Variants in PARP6 observed in about 807,000 individuals in gnomAD.
PARP6 encodes the protein poly(ADP-ribose) polymerase family member 6.
Under a neutral mutation model 92.0 loss-of-function variants are expected in PARP6, and 27 were observed. That is an observed-to-expected ratio of 0.29 (90% CI 0.22 to 0.40). PARP6 has a LOEUF of 0.40. PARP6 is among the 10% of genes least tolerant of loss of function. The pLI is 1.00. For missense variants in PARP6, 501 were observed against 784.5 expected, an observed-to-expected ratio of 0.64 and a Z score of 4.32; for synonymous variants, 272 against 281.2, an observed-to-expected ratio of 0.97 and a Z score of 0.33.
rs2083166364 is a variant in PARP6 at position 72,242,480 on chromosome 15, C to T, written c.1641+140G>A. ...CTACATATGACTCCAGACGTGTGTT[C>T]ACTTTAGAACATACCTGACTCCTTT... is the stretch of plus-strand genomic sequence containing the variant. On this transcript the variant is annotated intron_variant, in intron 21 of 23. Coordinates refer to ENST00000569795, the MANE Select transcript of PARP6 (RefSeq NM_001323532.2). The surrounding 1 kb of genome is among the most constrained non-coding windows in gnomAD (Gnocchi z 4.3). The T allele has an allele frequency of 1.5e-6, 1 of 687,996 alleles. No homozygotes were observed. The highest frequency in any genetic ancestry group is 2.6e-6 in the Non-Finnish European group (1 of 384,866). 42.6% of individuals were successfully genotyped at this position (687,996 alleles called of 1,614,324 possible).
chr15:72,265,285 G>A, intron 6 of PARP6, 114 bp from the exon 7 acceptor site: 1 of 1,059,964 alleles, frequency 9.4e-7, no homozygotes, highest in Non-Finnish European at 1.5e-6. Flanking sequence ...TCTGCTGATG[G>A]TCTAGGAAAG....
At chr15:72,252,031 A>C (rs532831949) in intron 16 of PARP6, among the ~76,000 whole-genome samples, 2 of 152,350 alleles carry the variant, frequency 1.3e-5, no homozygotes, top group African/African-American at 4.8e-5. Context: ...GAAGTACTGA[A>C]GGCTGACTAG....
rs999391691 is a variant in PARP6 at position 72,258,061 on chromosome 15, G to C, written c.882C>G (p.Val294=). The C allele has an allele frequency of 1.9e-6, 3 of 1,613,372 alleles. No individual in the cohort carries two copies. Among genetic ancestry groups the C allele is most frequent in the Admixed American group, 3.3e-5 (2 of 60,018 alleles). ...EYCVVCDEQH[V]FQNGSMLKPA... ...CCTTCAGCATAGATCCATTTTGGAA[G>C]ACATGCTGCTCATCACACACCACAC... The change falls in exon 12 of 24, where the codon GTC becomes GTG. Residue 294 remains valine, a synonymous_variant. Transcript: ENST00000569795.
intron 20 of PARP6, chr15:72,244,248 A>C (rs891090332): frequency 2.0e-5 from 3 of 152,242 alleles, no homozygotes; most frequent in South Asian, 2.1e-4. Flanking sequence ...AATAAAGAAC[A>C]ATCTGATTTC....
rs2083220298 is a variant in PARP6, at chr15:72,242,938, T to C, written c.1562-239A>G. On this transcript the variant is annotated intron_variant, in intron 20 of 23. Transcript: ENST00000569795. This position sits in a 1 kb window ranked among gnomAD's most constrained non-coding sequence, Gnocchi z 4.3. ...TGGTGTGAGCCTAGAGGAGGGCAAC[T>C]AGCCTAGCCTAAGAGTTTAAAGAAG... The C allele has an allele frequency of 1.7e-5, 8 of 479,182 alleles. No individual in the cohort carries two copies. In the South Asian group the frequency reaches 2.1e-4, roughly 13 times the overall value. The allele number at this position is 479,182 out of a possible 1,614,324, so 29.7% of individuals were successfully genotyped here. A position where few individuals can be genotyped will look rare whatever the true frequency, so the allele number is the denominator to read the frequency against.
At position 72,242,597 on chromosome 15, in the gene PARP6, C is replaced by T. The variant is rs766709077; in HGVS notation, c.1641+23G>A. On this transcript the variant is annotated intron_variant, in intron 21 of 23. Transcript: ENST00000569795. The surrounding 1 kb of genome is among the most constrained non-coding windows in gnomAD (Gnocchi z 4.3). ...AAATTAGCCCCAGGGAAAGGTCCTG[C>T]CTCATTAGAATAGTTCCAATACCTG... 27 of 1,512,200 alleles carry T rather than the reference C, an allele frequency of 1.8e-5. 1 individual carries two copies. The South Asian group carries it at 2.5e-4, about 14-fold the overall frequency. 93.7% of individuals were successfully genotyped at this position (1,512,200 alleles called of 1,614,324 possible).
At chr15:72,244,011 T>C (rs915557022) in intron 20 of PARP6, 1 of 152,214 alleles carries the variant, frequency 6.6e-6, no homozygotes, top group Non-Finnish European at 1.5e-5. Flanking sequence ...CAGATTTAGG[T>C]AGGGCCTGAA....
chr15:72,264,491 A>G, intron 8 of PARP6, 64 bp downstream of exon 8: 3 of 1,225,022 alleles, frequency 2.4e-6, no homozygotes, highest in Non-Finnish European at 3.6e-6. Flanking sequence ...CTGTCCATCC[A>G]TATATTTCCA....
intron 16 of PARP6, among the ~76,000 whole-genome samples, chr15:72,252,040 AG>A (rs1427847272): frequency 9.2e-5 from 14 of 152,246 alleles, no homozygotes; most frequent in African/African-American, 3.4e-4. Flanking sequence ...AAGGCTGACT[AG>A]GAAGAGGGAG....
chr15:72,253,783 CA>C (rs1567191093), intron 15 of PARP6: 11 of 586,316 alleles, frequency 1.9e-5, no homozygotes, highest in Admixed American at 1.1e-4. Flanking sequence ...GATTATAAAT[CA>C]AAAAATAAAT....
In PARP6 at chr15:72,241,474, G is replaced by A; in HGVS notation, c.1874C>T (p.Thr625Ile). 1 of 1,614,078 alleles carries A rather than the reference G, an allele frequency of 6.2e-7. No individual in the cohort carries two copies. ...IQKEIMRVIG[T>I]QVYTN ...GCCCCCTCAGTTTGTGTAAACCTGAGTTCCGATCACACGCATGATTTCCTT... is the reference window on the plus strand; with the variant it reads ...GCCCCCTCAGTTTGTGTAAACCTGAATTCCGATCACACGCATGATTTCCTT... Residue 625 changes from threonine to isoleucine, a missense_variant, in exon 24 of 24, where the codon ACT becomes ATT. Thr to Ile is a moderately conservative substitution (Grantham distance 89). Around this residue, in one of 4 missense-constraint regions of PARP6, gnomAD observed 17 missense variants for 16.5 expected, o/e 1.03. Coordinates refer to ENST00000569795, the MANE Select transcript of PARP6 (RefSeq NM_001323532.2). The surrounding 1 kb of genome is among the most constrained non-coding windows in gnomAD (Gnocchi z 4.1).
chr15:72,264,711 A>T, intron 7 of PARP6, 90 bp from the exon 8 acceptor site: 1 of 991,236 alleles, frequency 1.0e-6, no homozygotes, highest in Non-Finnish European at 1.6e-6. Context: ...ATACATTCTA[A>T]AGATCATAGC....
chr15:72,248,353 T>G (rs915366409), intron 20 of PARP6, among the ~76,000 whole-genome samples: 4 of 152,052 alleles, frequency 2.6e-5, no homozygotes, highest in Admixed American at 6.6e-5. Flanking sequence ...TTTTTCTTTT[T>G]TTTTTTGAGA....
chr15:72,255,283 C>A (rs939916226), intron 14 of PARP6, among the ~76,000 whole-genome samples: 2 of 152,128 alleles, frequency 1.3e-5, no homozygotes, highest in Non-Finnish European at 2.9e-5. Flanking sequence ...GGCAGAGTCT[C>A]GCTCTGTCAC....
chr15:72,266,894 T>G, intron 3 of PARP6, 72 bp from the exon 4 acceptor site: 1 of 1,128,704 alleles, frequency 8.9e-7, no homozygotes, highest in Non-Finnish European at 1.3e-6. Flanking sequence ...TGGGATGATA[T>G]GGTGAGGAAC....
chr15:72,267,652 G>A lies in PARP6; in HGVS notation c.-175C>T, dbSNP rs1209260027. On this transcript the variant is annotated 5_prime_UTR_variant, in exon 3 of 24. Coordinates refer to ENST00000569795, the MANE Select transcript of PARP6 (RefSeq NM_001323532.2). ...TGGGGATGGCAGGCTCTGCTGTTGC[G>A]GTGGTAACAAGTCACTGTCCTGTGG... The A allele has an allele frequency of 6.1e-6, 4 of 655,596 alleles. No homozygotes were observed. Among genetic ancestry groups the A allele is most frequent in the South Asian group, 1.8e-5 (1 of 54,554 alleles). The allele number at this position is 655,596 out of a possible 1,614,324, so 40.6% of individuals were successfully genotyped here.
chr15:72,255,517 C>T (rs911882640), intron 14 of PARP6, among the ~76,000 whole-genome samples: 12 of 152,024 alleles, frequency 7.9e-5, no homozygotes, highest in African/African-American at 2.4e-4. Context: ...CTTGGCCTCC[C>T]GAAGTGCTAG....
intron 5 of PARP6, among the ~76,000 whole-genome samples, 176 bp from the exon 6 acceptor site, chr15:72,265,649 C>G (rs1019497900): frequency 1.2e-4 from 19 of 152,214 alleles, no homozygotes; most frequent in African/African-American, 4.6e-4. Flanking sequence ...GGATCTACTT[C>G]CAGGCCAAAA....
At chr15:72,256,614 G>T in intron 13 of PARP6, 24 bp from the exon 14 acceptor site, 1 of 1,494,260 alleles carries the variant, frequency 6.7e-7, no homozygotes, top group South Asian at 1.4e-5. Context: ...AAAAAAAACA[G>T]GGCAGAAGCT....
Sources: gnomAD v4.1 joint callset for allele counts (sites outside exome capture counted in the v4.1 genomes callset) on GRCh38, gnomAD v4.1.1 for gene constraint, gnomAD v4.1.1 regional missense constraint, Gnocchi (gnomAD v3.1) non-coding constraint, MANE v1.5 for transcripts, NCBI Gene and HGNC (gene_info 2026-07-23, HGNC 2026-07-21) for gene names.